The following BLVRA variants were observed in gnomAD, a reference collection of about 807,000 sequenced individuals.
BLVRA encodes the protein biliverdin reductase A, also known as BVR A.
BLVRA carries 22 observed loss-of-function variants against 32.8 expected under a neutral mutation model. The ratio of observed to expected loss-of-function variants is 0.67; its 90% CI spans 0.48 to 0.96. The LOEUF (loss-of-function observed/expected upper bound fraction) is 0.96, where lower values mean the gene tolerates loss of function less well. BLVRA is among the 40% of genes least tolerant of loss of function. The pLI is 0.00. For missense variants in BLVRA, 323 were observed against 358.1 expected (o/e 0.90, Z 0.79); for synonymous variants, 119 against 141.3 (o/e 0.84, Z 1.12).
At chr7:43,796,133 A>AAAAAAAAAAAAAG (rs1554584739) in intron 5 of BLVRA, among the ~76,000 whole-genome samples, 1 of 151,270 alleles carries the variant, frequency 6.6e-6, no homozygotes, top group African/African-American at 2.4e-5. Flanking sequence ...AAAAAAAAAA[A>AAAAAAAAAAAAAG]AAAAGAAAAG....
At chr7:43,781,116 C>T (rs1203109924) in intron 2 of BLVRA, among the ~76,000 whole-genome samples, 2 of 150,868 alleles carry the variant, frequency 1.3e-5, no homozygotes, top group Non-Finnish European at 2.9e-5. Context: ...GCACTCCAGC[C>T]TGGGCTACAG....
In BLVRA at chr7:43,787,712, T is replaced by G. The variant is rs1171416140; in HGVS notation, c.13-192T>G. Among the ~76,000 whole-genome samples, 1 of 152,166 alleles carries G rather than the reference T, an allele frequency of 6.6e-6. No homozygotes were observed. The highest frequency in any genetic ancestry group is 1.5e-5 in the Non-Finnish European group (1 of 68,016). On this transcript the variant is annotated intron_variant, in intron 2 of 7. Coordinates refer to ENST00000265523, the MANE Select transcript of BLVRA (RefSeq NM_000712.4). The surrounding 1 kb of genome is among the most constrained non-coding windows in gnomAD (Gnocchi z 4.5). ...GGTGGAGCACCTTCAAGAACAGGTTTTGGCGGGACTGACTTCTCTCCAAGC... is the reference window on the plus strand; with the variant it reads ...GGTGGAGCACCTTCAAGAACAGGTTGTGGCGGGACTGACTTCTCTCCAAGC...
At chr7:43,770,412 T>G (rs2095753230) in intron 1 of BLVRA, among the ~76,000 whole-genome samples, 2 of 152,188 alleles carry the variant, frequency 1.3e-5, no homozygotes. Context: ...ACCTGGATGC[T>G]TGGTGAAAAT....
At chr7:43,791,411 C>T (rs1353235307) in intron 4 of BLVRA, 43 bp downstream of exon 4, 2 of 1,611,412 alleles carry the variant, frequency 1.2e-6, no homozygotes, top group East Asian at 4.5e-5. Context: ...CACAGCAGTG[C>T]AGTACTGCAA....
At chr7:43,805,708 A>T (rs560550452) in intron 7 of BLVRA, among the ~76,000 whole-genome samples, 1 of 152,234 alleles carries the variant, frequency 6.6e-6, no homozygotes, top group African/African-American at 2.4e-5. Flanking sequence ...TTGCATTTTT[A>T]AATTTTTTTA....
At chr7:43,806,045 G>A (rs1400346348) in intron 7 of BLVRA, among the ~76,000 whole-genome samples, 4 of 152,228 alleles carry the variant, frequency 2.6e-5, no homozygotes, top group Non-Finnish European at 5.9e-5. Flanking sequence ...GGGCACAATG[G>A]CTCACGCCTG....
chr7:43,807,263 G>A lies in BLVRA; in HGVS notation c.*28G>A. On this transcript the variant is annotated 3_prime_UTR_variant, in exon 8 of 8. Transcript: ENST00000265523. ...GGAGGAGGTGATGTAGCACTTCCAAGATGGCACCAGCATTTGGTTCTTCTC... is the reference window on the plus strand; with the variant it reads ...GGAGGAGGTGATGTAGCACTTCCAAAATGGCACCAGCATTTGGTTCTTCTC... 6.2e-7 allele frequency: 1 copy of A among 1,600,676 alleles called. No individual in the cohort carries two copies. Among genetic ancestry groups the A allele is most frequent in the Non-Finnish European group, 8.5e-7 (1 of 1,179,866 alleles).
chr7:43,798,226 A>AAT (rs1563550433), intron 5 of BLVRA, among the ~76,000 whole-genome samples: 2 of 141,682 alleles, frequency 1.4e-5, no homozygotes, highest in African/African-American at 5.2e-5. Flanking sequence ...AAAAAAAAAA[A>AAT]GGAAACGATG....
At chr7:43,800,399 C>G in intron 5 of BLVRA, 66 bp from the exon 6 acceptor site, 1 of 1,427,392 alleles carries the variant, frequency 7.0e-7, no homozygotes, top group Non-Finnish European at 9.9e-7. Context: ...TGACAGAGTA[C>G]CCTCTGGGAT....
In BLVRA at chr7:43,789,980, G is replaced by C. The variant is rs143530356; in HGVS notation, c.135-1269G>C. ...TCCATGATTTCTCCTACAGCGCCTA[G>C]TACATAATAGGCAAACAATAAGTAT... On this transcript the variant is annotated intron_variant, in intron 3 of 7. Transcript: ENST00000265523. Among the ~76,000 whole-genome samples the C allele has an allele frequency of 7.3e-3, 1,116 of 152,180 alleles. 9 individuals carry two copies. Among genetic ancestry groups the C allele is most frequent in the Non-Finnish European group, 0.011 (718 of 68,008 alleles).
intron 5 of BLVRA, among the ~76,000 whole-genome samples, chr7:43,799,738 T>C (rs2095796634): frequency 6.6e-6 from 1 of 151,914 alleles, no homozygotes; most frequent in African/African-American, 2.4e-5. Context: ...CCTCCCAAAG[T>C]GCTGGGATTA....
At chr7:43,791,210 T>C in intron 3 of BLVRA, 39 bp from the exon 4 acceptor site, 1 of 1,613,284 alleles carries the variant, frequency 6.2e-7, no homozygotes, top group Non-Finnish European at 8.5e-7. Context: ...CTTTCTTCTG[T>C]CTACCATTGA....
At chr7:43,800,801 GATT>G (rs1265191119) in intron 6 of BLVRA, among the ~76,000 whole-genome samples, 1 of 152,172 alleles carries the variant, frequency 6.6e-6, no homozygotes, top group Non-Finnish European at 1.5e-5. Flanking sequence ...ACTAGTTGGA[GATT>G]ATTTTTCAAC....
rs1418702131 is a variant in BLVRA, at chr7:43,766,158, C to T, written c.-21-4980C>T. Among the ~76,000 whole-genome samples, 5 of 151,810 alleles carry T rather than the reference C, an allele frequency of 3.3e-5. No homozygotes were observed. The East Asian group carries it at 5.8e-4, about 18-fold the overall frequency. ...ATTAGCGTGGTGGTGTGGTGGTAGGCGCCTGTAATCCCAGCTACTCAGGAG... is the reference window on the plus strand; with the variant it reads ...ATTAGCGTGGTGGTGTGGTGGTAGGTGCCTGTAATCCCAGCTACTCAGGAG... On this transcript the variant is annotated intron_variant, in intron 1 of 7. Coordinates refer to ENST00000265523, the MANE Select transcript of BLVRA (RefSeq NM_000712.4).
chr7:43,791,271 G>A lies in BLVRA; in HGVS notation c.157G>A (p.Gly53Arg), dbSNP rs747902950. Reference sequence around the variant, plus strand: ...TAGAAGGGAGCTCGGGAGCATTGATGGAGTCCAGCAGATTTCTTTGGAGGA... The same window carrying A: ...TAGAAGGGAGCTCGGGAGCATTGATAGAGTCCAGCAGATTTCTTTGGAGGA... ...VSRRELGSID[G>R]VQQISLEDAL... Residue 53 changes from glycine to arginine, a missense_variant, in exon 4 of 8, where the codon GGA (glycine) becomes AGA (arginine). By Grantham distance (125) the Gly-to-Arg change is moderately radical (BLOSUM62 -2). Coordinates refer to ENST00000265523, the MANE Select transcript of BLVRA (RefSeq NM_000712.4). 1.2e-6 allele frequency: 2 copies of A among 1,614,062 alleles called. No individual in the cohort carries two copies. Among genetic ancestry groups the A allele is most frequent in the African/African-American group, 2.7e-5 (2 of 74,936 alleles).
At chr7:43,801,086 A>T (rs1474832322) in intron 6 of BLVRA, among the ~76,000 whole-genome samples, 1 of 151,972 alleles carries the variant, frequency 6.6e-6, no homozygotes, top group African/African-American at 2.4e-5. Flanking sequence ...TGTAGCCTCA[A>T]CCTCCCAGGC....
At chr7:43,776,665 G>A (rs1371118945) in intron 2 of BLVRA, among the ~76,000 whole-genome samples, 1 of 152,220 alleles carries the variant, frequency 6.6e-6, no homozygotes, top group Non-Finnish European at 1.5e-5. Context: ...GGTCTGCTTG[G>A]TGCAGAGCTG....
chr7:43,806,613 T>G (rs1036377993), intron 7 of BLVRA, among the ~76,000 whole-genome samples: 17 of 152,094 alleles, frequency 1.1e-4, no homozygotes, highest in Admixed American at 1.1e-3. Flanking sequence ...CCAGGCATGG[T>G]GGCAGGCGCC....
In BLVRA at chr7:43,803,309, T is replaced by TTGTG. The variant is rs34404101; in HGVS notation, c.461-351_461-348dup. Among the ~76,000 whole-genome samples, 1,322 of 149,226 alleles carry TTGTG rather than the reference T, an allele frequency of 8.9e-3. 13 individuals are homozygous for TTGTG. The highest frequency in any genetic ancestry group is 0.024 in the African/African-American group (974 of 40,714). On this transcript the variant is annotated intron_variant, in intron 6 of 7. Coordinates refer to ENST00000265523, the MANE Select transcript of BLVRA (RefSeq NM_000712.4). Reference sequence around the variant, plus strand: ...ATATATATGTATATGTAGGTATGTGTTGTGTGTGTGTGTGTGTGTATGTAT... The same window carrying TTGTG: ...ATATATATGTATATGTAGGTATGTGTTGTGTGTGTGTGTGTGTGTGTGTATGTAT...
Sources: allele counts gnomAD v4.1 joint callset (sites outside exome capture counted in the v4.1 genomes callset), GRCh38; gene constraint gnomAD v4.1.1; non-coding constraint Gnocchi (gnomAD v3.1); transcripts MANE v1.5; gene names NCBI Gene and HGNC (gene_info 2026-07-23, HGNC 2026-07-21).